PSMC1: variants seen among roughly 807,000 people sequenced by gnomAD.
PSMC1 encodes the protein 26S proteasome regulatory subunit 4.
Under a neutral mutation model 49.8 loss-of-function variants are expected in PSMC1, and 5 were observed. The ratio of observed to expected loss-of-function variants is 0.10; its 90% CI spans 0.05 to 0.21. PSMC1 has a LOEUF of 0.21. PSMC1 is among the 10% of genes least tolerant of loss of function. The probability of loss-of-function intolerance (pLI) is 1.00; values close to 1 mark genes in which losing one functional copy is unlikely to be tolerated. For synonymous variants in PSMC1, 155 were observed against 192.1 expected (o/e 0.81, Z 1.60); for missense variants, 181 against 535.7 (o/e 0.34, Z 6.54).
At chr14:90,269,617 G>T (rs1891609044) in intron 9 of PSMC1, 69 bp downstream of exon 9, 4 of 1,531,426 alleles carry the variant, frequency 2.6e-6, no homozygotes, top group Non-Finnish European at 3.6e-6. Flanking sequence ...TGTGCTTTGG[G>T]AGGCCTATAA....
chr14:90,270,139 G>C, intron 9 of PSMC1, 59 bp from the exon 10 acceptor site: 1 of 1,588,126 alleles, frequency 6.3e-7, no homozygotes, highest in Non-Finnish European at 8.6e-7. Flanking sequence ...AGGCCTCTGA[G>C]CCATGGCCGA....
intron 6 of PSMC1, among the ~76,000 whole-genome samples, chr14:90,264,565 C>G (rs1362259634): frequency 6.6e-6 from 1 of 152,136 alleles, no homozygotes; most frequent in Non-Finnish European, 1.5e-5. Flanking sequence ...TTCAGCAGCC[C>G]TGGGGGCTGG....
chr14:90,263,611 A>G, intron 4 of PSMC1, 51 bp from the exon 5 acceptor site: 1 of 1,580,390 alleles, frequency 6.3e-7, no homozygotes, highest in Non-Finnish European at 8.7e-7. Flanking sequence ...TATCAGGATC[A>G]TCTACTTTGA....
rs143801192 is a variant in PSMC1 at position 90,272,451 on chromosome 14, A to G, written c.*44A>G. On this transcript the variant is annotated 3_prime_UTR_variant, in exon 11 of 11. Transcript: ENST00000261303. The surrounding 1 kb of genome is among the most constrained non-coding windows in gnomAD (Gnocchi z 4.5). Reference sequence around the variant, plus strand: ...AGGAAAATGGTTGGGAGATTTCTCAATCCCTGAAAGGGATGAGGTTGGGGG... The same window carrying G: ...AGGAAAATGGTTGGGAGATTTCTCAGTCCCTGAAAGGGATGAGGTTGGGGG... The G allele has an allele frequency of 2.7e-6, 4 of 1,495,052 alleles. No homozygotes were observed. The highest frequency in any genetic ancestry group is 3.6e-6 in the Non-Finnish European group (4 of 1,107,960). 92.6% of individuals were successfully genotyped at this position (1,495,052 alleles called of 1,614,324 possible).
Position 90,270,521 on chromosome 14 carries a change from G to C in PSMC1, c.1188+169G>C, listed in dbSNP as rs1891633937. On this transcript the variant is annotated intron_variant, in intron 10 of 10. Transcript: ENST00000261303. ...AATGGTATATGTGCTTGATATTGAA[G>C]TCATTCTTAATGCATCATTTTATGC... 1.1e-5 allele frequency: 8 copies of C among 736,376 alleles called. No homozygotes were observed. In the East Asian group the frequency reaches 2.0e-4, roughly 19 times the overall value. The allele number at this position is 736,376 out of a possible 1,614,324, so 45.6% of individuals were successfully genotyped here.
intron 2 of PSMC1, among the ~76,000 whole-genome samples, chr14:90,259,635 A>C (rs1595039204): frequency 3.2e-5 from 1 of 31,670 alleles, no homozygotes; most frequent in Admixed American, 4.7e-4. Flanking sequence ...TTCATTTGTT[A>C]TTATTATTAT....
At position 90,273,883 on chromosome 14, in the gene PSMC1, C is replaced by T. The variant is rs1487378650; in HGVS notation, c.*1476C>T. ...GCCCAGTCCCTCTCTCCCACCGACC[C>T]TTCTTTCTGCCTGCCTTTTCTATTC... On this transcript the variant is annotated 3_prime_UTR_variant, in exon 11 of 11. Transcript: ENST00000261303. 4 of 154,996 alleles carry T rather than the reference C, an allele frequency of 2.6e-5. No homozygotes were observed. Among genetic ancestry groups the T allele is most frequent in the African/African-American group, 9.6e-5 (4 of 41,540 alleles). The allele number at this position is 154,996 out of a possible 1,614,324, so 9.6% of individuals were successfully genotyped here. A position where few individuals can be genotyped will look rare whatever the true frequency, so the allele number is the denominator to read the frequency against.
At chr14:90,261,476 T>C (rs1233361693) in intron 3 of PSMC1, among the ~76,000 whole-genome samples, 2 of 152,218 alleles carry the variant, frequency 1.3e-5, no homozygotes, top group East Asian at 3.8e-4. Context: ...AAACCAGTCA[T>C]GTTACATGGA....
At chr14:90,270,398 A>G in intron 10 of PSMC1, 46 bp downstream of exon 10, 1 of 1,584,792 alleles carries the variant, frequency 6.3e-7, no homozygotes, top group Non-Finnish European at 8.6e-7. Flanking sequence ...TGTGGCCGTC[A>G]ATCAGGAAAG....
chr14:90,265,390 T>TA (rs898705722), intron 7 of PSMC1, among the ~76,000 whole-genome samples: 3 of 149,052 alleles, frequency 2.0e-5, no homozygotes, highest in East Asian at 2.0e-4. Flanking sequence ...CCTGTCTCTA[T>TA]AAAAAATTAG....
At chr14:90,271,737 C>G (rs1209351097) in intron 10 of PSMC1, 2 of 152,254 alleles carry the variant, frequency 1.3e-5, no homozygotes, top group Non-Finnish European at 2.9e-5. Flanking sequence ...AGCCCTGACC[C>G]TTGGGTCAGT....
In PSMC1 at chr14:90,274,933, G is replaced by C. The variant is rs1054703168; in HGVS notation, c.*2526G>C. 2 of 152,070 alleles carry C rather than the reference G, an allele frequency of 1.3e-5. No individual in the cohort carries two copies. The highest frequency in any genetic ancestry group is 2.9e-5 in the Non-Finnish European group (2 of 68,036). 9.4% of individuals were successfully genotyped at this position (152,070 alleles called of 1,614,324 possible). On this transcript the variant is annotated 3_prime_UTR_variant, in exon 11 of 11. Transcript: ENST00000261303. ...ACAAAACACTGTTCAGTTAGAAAGG[G>C]AAAGTCACACTGGAGATGCCCAGCA...
chr14:90,267,521 T>G (rs1027649990), intron 7 of PSMC1: 1 of 152,266 alleles, frequency 6.6e-6, no homozygotes, highest in Admixed American at 6.5e-5. Flanking sequence ...AAATGATGTT[T>G]GAGCTCTTCC....
intron 4 of PSMC1, 75 bp from the exon 5 acceptor site, chr14:90,263,587 T>C (rs8022531): frequency 0.59 from 902,595 of 1,536,620 alleles, 267,705 homozygotes; most frequent in Middle Eastern, 0.7. Context: ...GGCTGCTTTG[T>C]AAATCTAGCG....
chr14:90,270,516 T>C (rs1467335977), intron 10 of PSMC1, 164 bp downstream of exon 10: 8 of 752,606 alleles, frequency 1.1e-5, no homozygotes, highest in South Asian at 5.4e-5. Flanking sequence ...GTGCTTGATA[T>C]TGAAGTCATT....
chr14:90,265,269 C>T (rs1891482306), intron 7 of PSMC1, 103 bp downstream of exon 7: 3 of 782,370 alleles, frequency 3.8e-6, no homozygotes, highest in Non-Finnish European at 6.3e-6. Flanking sequence ...CACCACAATT[C>T]CTTAGTTTAA....
Position 90,268,432 on chromosome 14 carries a change from AT to A in PSMC1, c.881+23del, listed in dbSNP as rs781710905. The A allele has an allele frequency of 5.6e-6, 9 of 1,612,896 alleles. No individual in the cohort carries two copies. The highest frequency in any genetic ancestry group is 3.3e-5 in the Admixed American group (2 of 59,904). ...CAAAAAGGTAGACTTTCTCATACTT[AT>A]TTTGCCTTGTTTAGTAGGGAACACC... is the stretch of plus-strand genomic sequence containing the variant. On this transcript the variant is annotated intron_variant, in intron 8 of 10. Coordinates refer to ENST00000261303, the MANE Select transcript of PSMC1 (RefSeq NM_002802.3).
At chr14:90,257,473 AC>A (rs1566670464) in intron 1 of PSMC1, among the ~76,000 whole-genome samples, 1 of 152,012 alleles carries the variant, frequency 6.6e-6, no homozygotes, top group African/African-American at 2.4e-5. Context: ...TGAGGGAGTA[AC>A]CCCTGCAGAT....
chr14:90,261,555 G>A (rs557306628), intron 3 of PSMC1, among the ~76,000 whole-genome samples: 1 of 152,224 alleles, frequency 6.6e-6, no homozygotes, highest in African/African-American at 2.4e-5. Context: ...AATATAAAAG[G>A]CATTTCCATC....
Sources: allele counts gnomAD v4.1 joint callset (sites outside exome capture counted in the v4.1 genomes callset), GRCh38; gene constraint gnomAD v4.1.1; non-coding constraint Gnocchi (gnomAD v3.1); transcripts MANE v1.5; gene names NCBI Gene and HGNC (gene_info 2026-07-23, HGNC 2026-07-21).